CCNJL: variants seen among roughly 807,000 people sequenced by gnomAD.
CCNJL encodes cyclin J like, also known as cyclin-J-like protein.
CCNJL carries 33 observed loss-of-function variants against 33.4 expected under a neutral mutation model. That is an observed-to-expected ratio of 0.99 (90% CI 0.75 to 1.32). The LOEUF (loss-of-function observed/expected upper bound fraction) is 1.32, where lower values mean the gene tolerates loss of function less well. Among genes scored for constraint, CCNJL ranks in the 40% most tolerant of loss-of-function variants. The pLI is 0.00. For missense variants in CCNJL, 512 were observed against 499.7 expected (o/e 1.02, Z -0.23); for synonymous variants, 227 against 220.9 (o/e 1.03, Z -0.24).
chr5:160,328,307 G>A (rs1763564759), intron 1 of CCNJL, among the ~76,000 whole-genome samples: 1 of 152,222 alleles, frequency 6.6e-6, no homozygotes, highest in Admixed American at 6.5e-5. Flanking sequence ...CACCCTGGCT[G>A]CAGCATGAGA....
intron 3 of CCNJL, among the ~76,000 whole-genome samples, chr5:160,259,991 C>A (rs1183077556): frequency 6.6e-6 from 1 of 152,254 alleles, no homozygotes; most frequent in Non-Finnish European, 1.5e-5. Context: ...CTAGGTGTCT[C>A]AACCTCTCTG....
chr5:160,254,327 A>C, intron 5 of CCNJL: 1 of 668,928 alleles, frequency 1.5e-6, no homozygotes, highest in South Asian at 1.6e-5. Context: ...TTTTCATCTG[A>C]AAAGGGGGCT....
At chr5:160,295,569 C>T (rs918581437) in intron 2 of CCNJL, among the ~76,000 whole-genome samples, 4 of 152,070 alleles carry the variant, frequency 2.6e-5, no homozygotes, top group African/African-American at 9.7e-5. Flanking sequence ...AGGATAGGCG[C>T]TAATCAGTGT....
chr5:160,278,713 G>A (rs1019167210), intron 3 of CCNJL, among the ~76,000 whole-genome samples: 12 of 152,160 alleles, frequency 7.9e-5, no homozygotes, highest in African/African-American at 2.9e-4. Context: ...CTCGGGGAGA[G>A]CTTCCATGGC....
intron 2 of CCNJL, among the ~76,000 whole-genome samples, chr5:160,296,439 C>G (rs1420013283): frequency 6.6e-6 from 1 of 152,198 alleles, no homozygotes; most frequent in Admixed American, 6.5e-5. Flanking sequence ...GCTTTTTGTT[C>G]GCTGGTCCTT....
At chr5:160,267,232 G>A (rs1761634747) in intron 3 of CCNJL, among the ~76,000 whole-genome samples, 1 of 152,158 alleles carries the variant, frequency 6.6e-6, no homozygotes, top group Admixed American at 6.5e-5. Context: ...GGTGGGCTAG[G>A]GGGTCTGTGA....
At chr5:160,314,302 G>T (rs573686643), upstream of CCNJL, among the ~76,000 whole-genome samples, 2 of 152,342 alleles carry the variant, frequency 1.3e-5, no homozygotes, top group African/African-American at 4.8e-5. Flanking sequence ...TGGAATAACT[G>T]AAAGTCTAGG....
At chr5:160,272,306 G>C (rs1010252369) in intron 3 of CCNJL, among the ~76,000 whole-genome samples, 2 of 152,184 alleles carry the variant, frequency 1.3e-5, no homozygotes, top group African/African-American at 4.8e-5. Flanking sequence ...AGGATGCAAA[G>C]GGGAGTGATG....
intron 3 of CCNJL, among the ~76,000 whole-genome samples, chr5:160,277,913 C>CT (rs1379268647): frequency 2.0e-5 from 3 of 150,334 alleles, no homozygotes; most frequent in Admixed American, 6.6e-5. Context: ...TGGCTAATTG[C>CT]TTTTTTTTTC....
intron 2 of CCNJL, among the ~76,000 whole-genome samples, chr5:160,298,529 G>C (rs188740833): frequency 6.6e-6 from 1 of 152,100 alleles, no homozygotes; most frequent in Non-Finnish European, 1.5e-5. Flanking sequence ...TGCTCCCCTG[G>C]GCCTACAGTC....
chr5:160,326,793 G>A, intron 1 of CCNJL: 1 of 865,736 alleles, frequency 1.2e-6, no homozygotes, highest in East Asian at 3.0e-5. Flanking sequence ...AGATTCAGGT[G>A]TGGCTCTATG....
intron 3 of CCNJL, chr5:160,269,462 C>A (rs370386599): frequency 3.3e-5 from 15 of 456,388 alleles, no homozygotes; most frequent in Middle Eastern, 3.2e-4. Context: ...TCCTAACTCA[C>A]CAGGGGCTGC....
intron 1 of CCNJL, among the ~76,000 whole-genome samples, chr5:160,319,767 A>T (rs1008161247): frequency 4.0e-5 from 6 of 151,758 alleles, no homozygotes; most frequent in African/African-American, 9.7e-5. Flanking sequence ...CGTTTCTACA[A>T]TTTTTTTTGT....
chr5:160,290,140 T>C (rs1762535984), intron 2 of CCNJL, among the ~76,000 whole-genome samples: 1 of 152,196 alleles, frequency 6.6e-6, no homozygotes. Context: ...GGAAGTGAAG[T>C]CCTCGGTTTA....
intron 2 of CCNJL, among the ~76,000 whole-genome samples, chr5:160,285,912 C>T (rs559759784): frequency 6.6e-6 from 1 of 152,358 alleles, no homozygotes; most frequent in African/African-American, 2.4e-5. Flanking sequence ...TAGCAGCAGC[C>T]AGTGCGGGGC....
chr5:160,321,264 G>T (rs1763459795), intron 1 of CCNJL, among the ~76,000 whole-genome samples: 1 of 151,908 alleles, frequency 6.6e-6, no homozygotes, highest in Non-Finnish European at 1.5e-5. Context: ...GAAATAAAAG[G>T]CACCATTAAC....
chr5:160,322,645 C>T (rs571368620), intron 1 of CCNJL, among the ~76,000 whole-genome samples: 8 of 152,332 alleles, frequency 5.3e-5, no homozygotes, highest in South Asian at 2.1e-4. Flanking sequence ...CGGTGGCTCA[C>T]GCCTGTAATC....
chr5:160,292,409 G>A (rs1452036792), intron 2 of CCNJL, among the ~76,000 whole-genome samples: 1 of 152,074 alleles, frequency 6.6e-6, no homozygotes, highest in African/African-American at 2.4e-5. Context: ...ATCACTTGAG[G>A]CCAGGAGTTT....
At chr5:160,295,940 G>T (rs769622573) in intron 2 of CCNJL, among the ~76,000 whole-genome samples, 5 of 152,156 alleles carry the variant, frequency 3.3e-5, no homozygotes, top group Admixed American at 6.5e-5. Context: ...CCTGGGGATG[G>T]AGCTGGGCAC....
Sources: gnomAD v4.1 joint callset for allele counts (sites outside exome capture counted in the v4.1 genomes callset) on GRCh38, gnomAD v4.1.1 for gene constraint, MANE v1.5 for transcripts, NCBI Gene and HGNC (gene_info 2026-07-23, HGNC 2026-07-21) for gene names.